The following LRRC4C variants were observed in gnomAD, a reference collection of about 807,000 sequenced individuals.
LRRC4C encodes leucine rich repeat containing 4C, also known as leucine-rich repeat-containing protein 4C.
LRRC4C carries 5 observed loss-of-function variants against 33.6 expected under a neutral mutation model. The observed-to-expected ratio is 0.15, with a 90% CI of 0.08 to 0.31. The LOEUF (loss-of-function observed/expected upper bound fraction) is 0.31, where lower values mean the gene tolerates loss of function less well. LRRC4C is among the 10% of genes least tolerant of loss of function. The pLI, the probability that LRRC4C is intolerant of heterozygous loss-of-function variation, is 1.00. For missense variants in LRRC4C, 560 were observed against 796.7 expected (o/e 0.70, Z 3.58); for synonymous variants, 329 against 302.0 (o/e 1.09, Z -0.93).
intron 5 of LRRC4C, among the ~76,000 whole-genome samples, chr11:40,234,384 G>A (rs555507936): frequency 6.6e-6 from 1 of 152,190 alleles, no homozygotes; most frequent in South Asian, 2.1e-4. Flanking sequence ...CCGAGCCCCA[G>A]ATCCACTGAC....
At chr11:40,367,208 A>G (rs1467430202) in intron 3 of LRRC4C, among the ~76,000 whole-genome samples, 1 of 152,064 alleles carries the variant, frequency 6.6e-6, no homozygotes, top group African/African-American at 2.4e-5. Context: ...TTCTTGTTTA[A>G]TTGATGAATG....
At position 41,407,372 on chromosome 11, in the gene LRRC4C, G is replaced by T. The variant is rs1954283745; in HGVS notation, c.-496+52059C>A. On this transcript the variant is annotated intron_variant, in intron 1 of 6. Coordinates refer to ENST00000528697, the MANE Select transcript of LRRC4C (RefSeq NM_001258419.2). ...GCTGGAGTGCAGTGTCATGATTACAGCTCTTGGCAACCTAGATCTCCCAGG... is the reference window on the plus strand; with the variant it reads ...GCTGGAGTGCAGTGTCATGATTACATCTCTTGGCAACCTAGATCTCCCAGG... Among the ~76,000 whole-genome samples the T allele has an allele frequency of 2.7e-5, 4 of 148,766 alleles. No homozygotes were observed. The Admixed American group carries it at 2.7e-4, about 10-fold the overall frequency.
At chr11:41,273,397 G>A (rs1335156622) in intron 1 of LRRC4C, among the ~76,000 whole-genome samples, 1 of 152,098 alleles carries the variant, frequency 6.6e-6, no homozygotes. Flanking sequence ...GGATACAATG[G>A]CATATTATTC....
At chr11:40,126,924 C>A (rs1481649843) in intron 6 of LRRC4C, among the ~76,000 whole-genome samples, 1 of 150,622 alleles carries the variant, frequency 6.6e-6, no homozygotes, top group Non-Finnish European at 1.5e-5. Flanking sequence ...GGCACCATTG[C>A]ACTCCAGCCT....
At chr11:40,356,587 T>A (rs890899644) in intron 3 of LRRC4C, among the ~76,000 whole-genome samples, 1 of 152,112 alleles carries the variant, frequency 6.6e-6, no homozygotes, top group Non-Finnish European at 1.5e-5. Flanking sequence ...CATTAGGTGA[T>A]CTCATTCTAT....
chr11:40,227,785 T>C (rs1446293585), intron 5 of LRRC4C, among the ~76,000 whole-genome samples: 1 of 152,200 alleles, frequency 6.6e-6, no homozygotes, highest in African/African-American at 2.4e-5. Flanking sequence ...ACATGGTTCT[T>C]TGAAAATGAA....
intron 1 of LRRC4C, among the ~76,000 whole-genome samples, chr11:41,357,187 T>A (rs1223764753): frequency 8.5e-5 from 13 of 152,206 alleles, no homozygotes; most frequent in African/African-American, 2.4e-4. Context: ...ACATTAGTCA[T>A]CATCCCAAGA....
At chr11:40,127,295 T>A (rs574958134) in intron 6 of LRRC4C, among the ~76,000 whole-genome samples, 7,603 of 150,654 alleles carry the variant, frequency 0.05, 260 homozygotes, top group Middle Eastern at 0.075. Flanking sequence ...AAAAAAAAAA[T>A]ATAGAGATTT....
intron 2 of LRRC4C, among the ~76,000 whole-genome samples, chr11:40,748,459 G>T (rs774460466): frequency 6.6e-6 from 1 of 151,872 alleles, no homozygotes; most frequent in Non-Finnish European, 1.5e-5. Flanking sequence ...CAAAACACTA[G>T]AAAGTATAAA....
At chr11:40,777,192 T>C (rs73466696) in intron 2 of LRRC4C, among the ~76,000 whole-genome samples, 4,670 of 152,290 alleles carry the variant, frequency 0.031, 75 homozygotes, top group South Asian at 0.037. Flanking sequence ...AGAATGTATA[T>C]TCTGTGCTTA....
At chr11:40,277,070 C>T (rs1246229399) in intron 4 of LRRC4C, among the ~76,000 whole-genome samples, 1 of 152,004 alleles carries the variant, frequency 6.6e-6, no homozygotes, top group Non-Finnish European at 1.5e-5. Context: ...GTTCTATATA[C>T]AGAGGAGGAT....
chr11:41,051,841 A>G (rs753031100), intron 1 of LRRC4C, among the ~76,000 whole-genome samples: 3 of 152,198 alleles, frequency 2.0e-5, no homozygotes, highest in Non-Finnish European at 4.4e-5. Flanking sequence ...ATAGCACAGC[A>G]TGCTCTGGCA....
chr11:40,820,770 G>A (rs1189287358), intron 2 of LRRC4C, among the ~76,000 whole-genome samples: 3 of 151,658 alleles, frequency 2.0e-5, no homozygotes. Flanking sequence ...AAAGAAATAT[G>A]CTCTTGTCCT....
At chr11:41,140,206 A>G (rs1260973970) in intron 1 of LRRC4C, among the ~76,000 whole-genome samples, 2 of 152,048 alleles carry the variant, frequency 1.3e-5, no homozygotes, top group African/African-American at 2.4e-5. Flanking sequence ...AATTTACCCA[A>G]CCCTGCTATC....
At chr11:40,435,948 C>T (rs200060402) in intron 3 of LRRC4C, among the ~76,000 whole-genome samples, 4 of 152,128 alleles carry the variant, frequency 2.6e-5, no homozygotes. Flanking sequence ...GCTCTTGTTA[C>T]CCTTAATATT....
At chr11:40,801,045 G>T (rs553752889) in intron 2 of LRRC4C, among the ~76,000 whole-genome samples, 1 of 151,856 alleles carries the variant, frequency 6.6e-6, no homozygotes, top group Admixed American at 6.6e-5. Flanking sequence ...ATTATATTCC[G>T]CACTCTAAGT....
intron 1 of LRRC4C, among the ~76,000 whole-genome samples, chr11:40,959,425 A>G (rs1392293866): frequency 6.6e-6 from 1 of 151,652 alleles, no homozygotes; most frequent in Non-Finnish European, 1.5e-5. Context: ...ACCTAACAAA[A>G]AAAAATCCAT....
chr11:40,444,502 C>G (rs112463867), intron 3 of LRRC4C, among the ~76,000 whole-genome samples: 5 of 151,584 alleles, frequency 3.3e-5, no homozygotes, highest in African/African-American at 1.2e-4. Flanking sequence ...CTGAGTTTAA[C>G]TGAATTGAAG....
chr11:40,576,141 C>T (rs1233728351), intron 3 of LRRC4C, among the ~76,000 whole-genome samples: 1 of 152,080 alleles, frequency 6.6e-6, no homozygotes, highest in East Asian at 1.9e-4. Context: ...ATAAAGTAAG[C>T]CACGACAAAG....
Sources: gnomAD v4.1 joint callset for allele counts (sites outside exome capture counted in the v4.1 genomes callset) on GRCh38, gnomAD v4.1.1 for gene constraint, MANE v1.5 for transcripts, NCBI Gene and HGNC (gene_info 2026-07-23, HGNC 2026-07-21) for gene names.